TRIO: variants seen among roughly 807,000 people sequenced by gnomAD.
TRIO encodes triple functional domain protein.
TRIO carries 58 observed loss-of-function variants against 351.9 expected under a neutral mutation model. The observed-to-expected ratio is 0.16, with a 90% CI of 0.13 to 0.21. The LOEUF is 0.21. Among genes scored for constraint, TRIO ranks in the 10% least tolerant of loss-of-function variants. The probability of loss-of-function intolerance (pLI) is 1.00; values close to 1 mark genes in which losing one functional copy is unlikely to be tolerated. For missense variants in TRIO, 3,201 were observed against 4,027.8 expected, an observed-to-expected ratio of 0.79 and a Z score of 5.56; for synonymous variants, 1,758 against 1,595.7, an observed-to-expected ratio of 1.10 and a Z score of -2.42.
intron 1 of TRIO, among the ~76,000 whole-genome samples, chr5:14,243,197 T>C (rs1337560951): frequency 6.6e-6 from 1 of 152,186 alleles, no homozygotes; most frequent in East Asian, 1.9e-4. Flanking sequence ...CTCCGGCTCC[T>C]GGGATTTTGG....
At chr5:14,478,131 A>T (rs892314389) in intron 41 of TRIO, among the ~76,000 whole-genome samples, 2 of 152,248 alleles carry the variant, frequency 1.3e-5, no homozygotes, top group African/African-American at 4.8e-5. Flanking sequence ...ACTCGGTTAC[A>T]TAAGTGCTTT....
chr5:14,348,173 A>C (rs1461589704), intron 11 of TRIO, among the ~76,000 whole-genome samples: 1 of 152,188 alleles, frequency 6.6e-6, no homozygotes, highest in East Asian at 1.9e-4. Flanking sequence ...TATCACATCA[A>C]TTTAATGTGT....
At chr5:14,339,299 A>C (rs1192039380) in intron 11 of TRIO, among the ~76,000 whole-genome samples, 1 of 152,228 alleles carries the variant, frequency 6.6e-6, no homozygotes, top group African/African-American at 2.4e-5. Flanking sequence ...TTGTAACAGC[A>C]GTGTTTTTAA....
At chr5:14,188,294 G>GC (rs1424104260) in intron 1 of TRIO, among the ~76,000 whole-genome samples, 1 of 152,130 alleles carries the variant, frequency 6.6e-6, no homozygotes, top group African/African-American at 2.4e-5. Context: ...TGTTCTCATT[G>GC]CCTGTATTAT....
intron 1 of TRIO, among the ~76,000 whole-genome samples, chr5:14,192,923 C>T (rs373664033): frequency 5.9e-5 from 9 of 152,282 alleles, no homozygotes; most frequent in East Asian, 1.9e-4. Context: ...AGAGTGATTA[C>T]AGTAAAGGAA....
At chr5:14,488,922 C>T (rs1217154814) in intron 48 of TRIO, 3 of 761,786 alleles carry the variant, frequency 3.9e-6, no homozygotes, top group South Asian at 1.4e-5. Context: ...GGGCTCTGGC[C>T]TCGTTTGGCC....
intron 12 of TRIO, 127 bp downstream of exon 12, chr5:14,358,474 C>T (rs559304901): frequency 4.9e-4 from 527 of 1,066,076 alleles, no homozygotes; most frequent in South Asian, 1.4e-3. Context: ...CTAGTAGTGT[C>T]TGTGAAGGCA....
At chr5:14,280,104 G>T (rs193175468) in intron 2 of TRIO, among the ~76,000 whole-genome samples, 7 of 152,232 alleles carry the variant, frequency 4.6e-5, no homozygotes, top group Non-Finnish European at 8.8e-5. Flanking sequence ...AAGGCCATAT[G>T]TAGTACCTTC....
chr5:14,318,311 C>A (rs899841295), intron 9 of TRIO, among the ~76,000 whole-genome samples: 1 of 145,456 alleles, frequency 6.9e-6, no homozygotes, highest in South Asian at 2.1e-4. Context: ...AAAAATTAGC[C>A]TGGCGTGCTG....
chr5:14,169,872 T>A (rs1312986477), intron 1 of TRIO, among the ~76,000 whole-genome samples: 2 of 152,114 alleles, frequency 1.3e-5, no homozygotes, highest in African/African-American at 4.8e-5. Context: ...ATCTGTAGAG[T>A]GATGTGGTAA....
chr5:14,394,980 C>T (rs1747435482), intron 28 of TRIO, among the ~76,000 whole-genome samples: 1 of 152,208 alleles, frequency 6.6e-6, no homozygotes, highest in South Asian at 2.1e-4. Context: ...TAGAAACATG[C>T]ATTCATCCCA....
Position 14,479,277 on chromosome 5 carries a change from T to C in TRIO, c.6170T>C (p.Met2057Thr). 1 of 1,613,936 alleles carries C rather than the reference T, an allele frequency of 6.2e-7. No individual in the cohort carries two copies. The highest frequency in any genetic ancestry group is 8.5e-7 in the Non-Finnish European group (1 of 1,179,932). ...LFVKHERRLH[M>T]YIAYCQNKPK... is the part of the protein sequence containing the mutation. ...TATTCCTAGGAGAGAAGGTTGCACA[T>C]GTACATAGCTTATTGTCAAAATAAA... The change falls in exon 42 of 57, where the codon ATG (methionine) becomes ACG (threonine). Residue 2057 changes from methionine to threonine, a missense_variant. Physicochemically the swap from Met to Thr is moderately conservative, Grantham distance 81. Transcript: ENST00000344204.
chr5:14,414,261 A>C (rs543879098), intron 33 of TRIO, among the ~76,000 whole-genome samples: 1 of 152,310 alleles, frequency 6.6e-6, no homozygotes, highest in Non-Finnish European at 1.5e-5. Context: ...GGCATTTCTC[A>C]CTGGGATATG....
At chr5:14,504,331 A>G (rs1216665495) in intron 54 of TRIO, 62 bp from the exon 55 acceptor site, 7 of 1,571,242 alleles carry the variant, frequency 4.5e-6, no homozygotes, top group Admixed American at 1.7e-5. Context: ...AGGATAACAG[A>G]GTCTTTCTCG....
chr5:14,369,085 T>C (rs1016295559), intron 17 of TRIO, among the ~76,000 whole-genome samples, 186 bp downstream of exon 17: 3 of 152,172 alleles, frequency 2.0e-5, no homozygotes, highest in African/African-American at 7.2e-5. Context: ...GGTAATAAGC[T>C]AGAAAGTAGC....
At chr5:14,399,305 A>G (rs573273325) in intron 30 of TRIO, 209 of 506,470 alleles carry the variant, frequency 4.1e-4, no homozygotes, top group Non-Finnish European at 6.1e-4. Flanking sequence ...TAAATCCTGT[A>G]TCATATAACT....
chr5:14,390,355 A>G, intron 26 of TRIO, 55 bp downstream of exon 26: 1 of 1,526,178 alleles, frequency 6.6e-7, no homozygotes, highest in Admixed American at 1.7e-5. Context: ...CGTTGAAGGA[A>G]GTTAGGAGGG....
intron 34 of TRIO, among the ~76,000 whole-genome samples, chr5:14,426,336 C>T (rs1561477741): frequency 6.6e-6 from 1 of 152,126 alleles, no homozygotes; most frequent in African/African-American, 2.4e-5. Context: ...TAATAGTCCC[C>T]GTCTCATTTC....
chr5:14,340,594 C>T (rs1741855927), intron 11 of TRIO, among the ~76,000 whole-genome samples: 1 of 152,092 alleles, frequency 6.6e-6, no homozygotes. Flanking sequence ...TCCTGGCCCT[C>T]TGATGAACAA....
Sources: gnomAD v4.1 joint callset for allele counts (sites outside exome capture counted in the v4.1 genomes callset) on GRCh38, gnomAD v4.1.1 for gene constraint, MANE v1.5 for transcripts, NCBI Gene and HGNC (gene_info 2026-07-23, HGNC 2026-07-21) for gene names.